The following ARHGAP24 variants were observed in gnomAD, a reference collection of about 807,000 sequenced individuals.
ARHGAP24 encodes the protein rho GTPase-activating protein 24.
Under a neutral mutation model 76.4 loss-of-function variants are expected in ARHGAP24, and 50 were observed. The observed-to-expected ratio is 0.65, with a 90% confidence interval of 0.52 to 0.83. ARHGAP24 has a LOEUF of 0.83. Ranked by LOEUF, ARHGAP24 falls within the 40% of genes least tolerant of loss-of-function variation. The pLI is 0.00. For synonymous variants in ARHGAP24, 345 were observed against 323.3 expected, an observed-to-expected ratio of 1.07 and a Z score of -0.72; for missense variants, 930 against 914.2, an observed-to-expected ratio of 1.02 and a Z score of -0.22.
chr4:85,581,207 T>C (rs1171978272), intron 2 of ARHGAP24, among the ~76,000 whole-genome samples: 1 of 152,108 alleles, frequency 6.6e-6, no homozygotes, highest in Non-Finnish European at 1.5e-5. Context: ...TACTAAAATA[T>C]AGCATAATAA....
At chr4:85,708,097 C>T (rs1300572648) in intron 2 of ARHGAP24, among the ~76,000 whole-genome samples, 2 of 152,116 alleles carry the variant, frequency 1.3e-5, no homozygotes, top group Non-Finnish European at 2.9e-5. Context: ...AACCTGAAAA[C>T]TCACAGACAT....
chr4:85,781,304 T>C (rs566023442), intron 3 of ARHGAP24, among the ~76,000 whole-genome samples: 24 of 152,350 alleles, frequency 1.6e-4, no homozygotes, highest in African/African-American at 5.0e-4. Context: ...TGTTTTCTTC[T>C]AATATTTTTA....
intron 5 of ARHGAP24, among the ~76,000 whole-genome samples, chr4:85,950,302 G>A (rs1420453270): frequency 3.3e-5 from 5 of 150,568 alleles, no homozygotes; most frequent in Admixed American, 1.3e-4. Flanking sequence ...AGACCTGACT[G>A]GACAATAAAG....
chr4:85,763,721 G>C (rs897319437), intron 3 of ARHGAP24, among the ~76,000 whole-genome samples: 1 of 151,970 alleles, frequency 6.6e-6, no homozygotes, highest in Non-Finnish European at 1.5e-5. Context: ...TTATTTTGAA[G>C]AGTGAACATG....
chr4:85,543,578 A>G (rs1440556280), intron 1 of ARHGAP24, among the ~76,000 whole-genome samples: 1 of 152,182 alleles, frequency 6.6e-6, no homozygotes, highest in Non-Finnish European at 1.5e-5. Flanking sequence ...TTATAGTATT[A>G]CAAGATTCTG....
intron 1 of ARHGAP24, among the ~76,000 whole-genome samples, chr4:85,528,632 G>A (rs1725122680): frequency 6.6e-6 from 1 of 151,960 alleles, no homozygotes; most frequent in African/African-American, 2.4e-5. Context: ...TTGACATGAG[G>A]ATTAAGTGAG....
chr4:85,700,740 T>C (rs543212012), intron 2 of ARHGAP24, among the ~76,000 whole-genome samples: 1 of 152,272 alleles, frequency 6.6e-6, no homozygotes, highest in South Asian at 2.1e-4. Flanking sequence ...TTATACTGAC[T>C]CCACTAAAAA....
intron 3 of ARHGAP24, among the ~76,000 whole-genome samples, chr4:85,773,460 G>A (rs936960860): frequency 3.3e-5 from 5 of 152,064 alleles, no homozygotes; most frequent in African/African-American, 1.2e-4. Context: ...AGTAACCCAA[G>A]TGTACTCTAT....
chr4:85,690,080 T>C (rs11936985), intron 2 of ARHGAP24, among the ~76,000 whole-genome samples: 2,079 of 152,292 alleles, frequency 0.014, 43 homozygotes, highest in African/African-American at 0.047. Context: ...GGATGTTGTA[T>C]TTTATTGGAA....
At chr4:85,845,631 C>A (rs967350610) in intron 3 of ARHGAP24, among the ~76,000 whole-genome samples, 2 of 152,118 alleles carry the variant, frequency 1.3e-5, no homozygotes, top group Non-Finnish European at 2.9e-5. Flanking sequence ...CATAGCAGTG[C>A]CCCTAATCAC....
chr4:85,596,873 G>T (rs886554004), intron 2 of ARHGAP24, among the ~76,000 whole-genome samples: 3 of 151,852 alleles, frequency 2.0e-5, no homozygotes, highest in Admixed American at 6.6e-5. Flanking sequence ...TATTCAAAAT[G>T]TCCATATTTT....
intron 2 of ARHGAP24, among the ~76,000 whole-genome samples, chr4:85,712,660 G>A (rs1432079821): frequency 2.0e-5 from 3 of 151,962 alleles, no homozygotes; most frequent in African/African-American, 7.3e-5. Context: ...CTGCCTCCAC[G>A]TTCATGTAGC....
intron 3 of ARHGAP24, among the ~76,000 whole-genome samples, chr4:85,787,623 C>T (rs934864239): frequency 1.3e-5 from 2 of 152,028 alleles, no homozygotes; most frequent in African/African-American, 4.8e-5. Flanking sequence ...ATAATGACAA[C>T]AACAAAATAA....
chr4:85,529,637 G>C (rs1313037257), intron 1 of ARHGAP24, among the ~76,000 whole-genome samples: 2 of 151,940 alleles, frequency 1.3e-5, no homozygotes, highest in East Asian at 3.8e-4. Context: ...CTATTCACTA[G>C]ATGCCAGTAG....
intron 2 of ARHGAP24, among the ~76,000 whole-genome samples, chr4:85,700,576 A>T (rs1398632729): frequency 6.6e-6 from 1 of 152,060 alleles, no homozygotes; most frequent in Admixed American, 6.6e-5. Context: ...AAGCCAGCTG[A>T]TGGGTGGTGG....
At position 85,994,751 on chromosome 4, in the gene ARHGAP24, C is replaced by T. The variant is rs1740545257; in HGVS notation, c.1097C>T (p.Thr366Ile). 6.2e-7 allele frequency: 1 copy of T among 1,613,962 alleles called. No individual in the cohort carries two copies. Among genetic ancestry groups the T allele is most frequent in the African/African-American group, 1.3e-5 (1 of 74,896 alleles). Residue 366 changes from threonine (T) to isoleucine (I), a missense_variant, in exon 9 of 10, where the codon ACC becomes ATC. Physicochemically the swap from Thr to Ile is moderately conservative, Grantham distance 89. Transcript: ENST00000395184. ...GQLQNKENNN[T>I]KDSPSRQCSW... The stretch of plus-strand genomic sequence containing the variant: ...TTACAGAACAAGGAGAACAATAACA[C>T]CAAGGACAGCCCTAGTAGGCAGTGC...
rs999745254 is a variant in ARHGAP24, at chr4:85,608,014, A to G, written c.180+37293A>G. On this transcript the variant is annotated intron_variant, in intron 2 of 9. Coordinates refer to ENST00000395184, the MANE Select transcript of ARHGAP24 (RefSeq NM_001025616.3). ...AGAAGCCACAAAATGTGCCAGAGGT[A>G]GGGGAAAGCTAAGGAGCGAATGAAA... Among the ~76,000 whole-genome samples the G allele has an allele frequency of 3.3e-5, 5 of 152,046 alleles. No individual in the cohort carries two copies. In the South Asian group the frequency reaches 1.0e-3, roughly 31 times the overall value.
chr4:85,970,807 C>G (rs1738926430), intron 5 of ARHGAP24, among the ~76,000 whole-genome samples: 2 of 151,972 alleles, frequency 1.3e-5, no homozygotes, highest in East Asian at 3.9e-4. Flanking sequence ...TTCCCGGTTC[C>G]AGGAATCAAC....
At chr4:85,509,275 G>A (rs972680001) in intron 1 of ARHGAP24, among the ~76,000 whole-genome samples, 1 of 151,220 alleles carries the variant, frequency 6.6e-6, no homozygotes, top group Non-Finnish European at 1.5e-5. Context: ...CAGCACACCA[G>A]CATGGCACAT....
Sources: allele counts gnomAD v4.1 joint callset (sites outside exome capture counted in the v4.1 genomes callset), GRCh38; gene constraint gnomAD v4.1.1; transcripts MANE v1.5; gene names NCBI Gene and HGNC (gene_info 2026-07-23, HGNC 2026-07-21).